The following ZSWIM5 variants were observed in gnomAD, a reference collection of about 807,000 sequenced individuals.
ZSWIM5 encodes zinc finger SWIM-type containing 5.
Under a neutral mutation model 119.6 loss-of-function variants are expected in ZSWIM5, and 55 were observed. The ratio of observed to expected loss-of-function variants is 0.46; its 90% CI spans 0.37 to 0.58. ZSWIM5 has a LOEUF of 0.58. Ranked by LOEUF, ZSWIM5 falls within the 20% of genes least tolerant of loss-of-function variation. The probability of loss-of-function intolerance (pLI) is 0.00; values close to 1 mark genes in which losing one functional copy is unlikely to be tolerated. For missense variants in ZSWIM5, 1,193 were observed against 1,512.8 expected (o/e 0.79, Z 3.51); for synonymous variants, 537 against 606.9 (o/e 0.88, Z 1.69).
In ZSWIM5 at chr1:45,174,916, T is replaced by C. The variant is rs1021212989; in HGVS notation, c.595+30840A>G. 5.9e-5 allele frequency among the ~76,000 whole-genome samples: 9 copies of C among 152,198 alleles called. No homozygotes were observed. The South Asian group carries it at 6.2e-4, about 11-fold the overall frequency. ...TTTTTGTGTATTTCCTTCAAAGATA[T>C]TCTCCTACAGAACTATAAAAATCAT... On this transcript the variant is annotated intron_variant, in intron 1 of 13. Coordinates refer to ENST00000359600, the MANE Select transcript of ZSWIM5 (RefSeq NM_020883.2).
chr1:45,197,990 C>T (rs1054376777), intron 1 of ZSWIM5, among the ~76,000 whole-genome samples: 6 of 152,182 alleles, frequency 3.9e-5, no homozygotes, highest in Non-Finnish European at 8.8e-5. Context: ...GGATCCATCA[C>T]GATGCTGAAC....
At chr1:45,083,892 G>T (rs1348738497) in intron 2 of ZSWIM5, among the ~76,000 whole-genome samples, 1 of 152,096 alleles carries the variant, frequency 6.6e-6, no homozygotes, top group Non-Finnish European at 1.5e-5. Context: ...GAAGTGGGAG[G>T]TGCTACACAC....
At chr1:45,068,432 T>C (rs1042878933) in intron 2 of ZSWIM5, among the ~76,000 whole-genome samples, 3 of 151,562 alleles carry the variant, frequency 2.0e-5, no homozygotes, top group Middle Eastern at 3.2e-3. Context: ...AAAATTTTAA[T>C]GTACGGTGAG....
At chr1:45,188,120 C>T (rs1646070078) in intron 1 of ZSWIM5, among the ~76,000 whole-genome samples, 1 of 152,112 alleles carries the variant, frequency 6.6e-6, no homozygotes, top group African/African-American at 2.4e-5. Context: ...AATGAAAACA[C>T]GTATCCACAC....
chr1:45,068,814 T>C (rs1263254991), intron 2 of ZSWIM5, among the ~76,000 whole-genome samples: 1 of 140,350 alleles, frequency 7.1e-6, no homozygotes, highest in Admixed American at 7.2e-5. Context: ...TTTTTTTTTT[T>C]TTTTTTCTGA....
intron 1 of ZSWIM5, among the ~76,000 whole-genome samples, chr1:45,162,309 T>C (rs1357726635): frequency 6.6e-6 from 1 of 152,182 alleles, no homozygotes; most frequent in East Asian, 1.9e-4. Flanking sequence ...CTGGCCAACA[T>C]AGTGAAATGC....
intron 8 of ZSWIM5, among the ~76,000 whole-genome samples, chr1:45,038,151 A>C (rs1644996640): frequency 6.6e-6 from 1 of 152,224 alleles, no homozygotes; most frequent in Non-Finnish European, 1.5e-5. Flanking sequence ...TGGCTACTCT[A>C]ATAGAGTCTT....
chr1:45,184,661 A>G (rs1196327682), intron 1 of ZSWIM5, among the ~76,000 whole-genome samples: 1 of 151,980 alleles, frequency 6.6e-6, no homozygotes, highest in African/African-American at 2.4e-5. Flanking sequence ...TGCTTCAAAG[A>G]GAATAAAATA....
chr1:45,170,110 T>C (rs991378975), intron 1 of ZSWIM5, among the ~76,000 whole-genome samples: 12 of 152,162 alleles, frequency 7.9e-5, no homozygotes, highest in Non-Finnish European at 1.5e-5. Context: ...GATACACTGC[T>C]GTACCTACAT....
chr1:45,088,206 C>A lies in ZSWIM5; in HGVS notation c.627G>T (p.Leu209=). 1 of 1,611,720 alleles carries A rather than the reference C, an allele frequency of 6.2e-7. No homozygotes were observed. The highest frequency in any genetic ancestry group is 8.5e-7 in the Non-Finnish European group (1 of 1,178,426). The change falls in exon 2 of 14, where the codon CTG becomes CTT. Residue 209 remains leucine, a synonymous_variant. Coordinates refer to ENST00000359600, the MANE Select transcript of ZSWIM5 (RefSeq NM_020883.2). The surrounding 1 kb of genome is among the most constrained non-coding windows in gnomAD (Gnocchi z 4.2). ...GFHLSGTVTE[L]ATASEPAVTY... is the part of the protein sequence containing the mutation. ...TCACTGCTGGTTCAGAGGCAGTGGC[C>A]AGCTCAGTTACTGTGCCACTCAGAT... is the stretch of plus-strand genomic sequence containing the variant.
At chr1:45,118,577 C>CA (rs1041377646) in intron 1 of ZSWIM5, among the ~76,000 whole-genome samples, 1 of 151,680 alleles carries the variant, frequency 6.6e-6, no homozygotes, top group Non-Finnish European at 1.5e-5. Context: ...CCCATCTCTA[C>CA]AAAAAATACA....
At chr1:45,070,238 A>G in intron 2 of ZSWIM5, 1 of 1,465,810 alleles carries the variant, frequency 6.8e-7, no homozygotes. Context: ...GCCCATGTTC[A>G]TCAGTCACAG....
chr1:45,126,758 T>A (rs977509949), intron 1 of ZSWIM5, among the ~76,000 whole-genome samples: 4 of 151,218 alleles, frequency 2.6e-5, no homozygotes, highest in Admixed American at 6.6e-5. Context: ...AAAAAAAAAA[T>A]GAATTTATAT....
At position 45,200,705 on chromosome 1, in the gene ZSWIM5, T is replaced by G. The variant is rs116548340; in HGVS notation, c.595+5051A>C. Reference sequence around the variant, plus strand: ...ACTTATTTGTCAAAAATATTCCACATGTATTAAGATTAAATAATCATGCAA... The same window carrying G: ...ACTTATTTGTCAAAAATATTCCACAGGTATTAAGATTAAATAATCATGCAA... On this transcript the variant is annotated intron_variant, in intron 1 of 13. Transcript: ENST00000359600. Among the ~76,000 whole-genome samples, 703 of 152,332 alleles carry G rather than the reference T, an allele frequency of 4.6e-3. 8 individuals are homozygous for G. Among genetic ancestry groups the G allele is most frequent in the African/African-American group, 0.016 (661 of 41,576 alleles).
rs550990467 is a variant in ZSWIM5, at chr1:45,024,212, C to T, written c.2450-3424G>A. Among the ~76,000 whole-genome samples the T allele has an allele frequency of 1.1e-4, 14 of 125,278 alleles. 1 individual carries two copies. In the South Asian group the frequency reaches 2.7e-3, roughly 24 times the overall value. The allele number at this position is 125,278 out of a possible 152,430, so 82.2% of individuals were successfully genotyped here. ...CTTTTCTTTTTTTTTTTTTTTGAGA[C>T]GGAGTCTCGGTCTTGTCGCCCAGGC... On this transcript the variant is annotated intron_variant, in intron 11 of 13. Transcript: ENST00000359600.
chr1:45,132,520 A>C (rs1011385662), intron 1 of ZSWIM5, among the ~76,000 whole-genome samples: 6 of 152,336 alleles, frequency 3.9e-5, no homozygotes, highest in African/African-American at 1.4e-4. Flanking sequence ...GTCACTTATA[A>C]ATTAAATAGC....
At chr1:45,201,530 T>A (rs929815707) in intron 1 of ZSWIM5, among the ~76,000 whole-genome samples, 7 of 152,294 alleles carry the variant, frequency 4.6e-5, no homozygotes, top group Admixed American at 3.9e-4. Context: ...TAATGTCTTG[T>A]TTTTTAATTG....
Position 45,017,057 on chromosome 1 carries a change from A to C in ZSWIM5, c.*1397T>G, listed in dbSNP as rs1644858336. On this transcript the variant is annotated 3_prime_UTR_variant, in exon 14 of 14. Coordinates refer to ENST00000359600, the MANE Select transcript of ZSWIM5 (RefSeq NM_020883.2). Reference sequence around the variant, plus strand: ...GGCGAGAAGAGAACTATGGAGCTAAAGCAGCCAATCTGATGGCAGAGGGAG... The same window carrying C: ...GGCGAGAAGAGAACTATGGAGCTAACGCAGCCAATCTGATGGCAGAGGGAG... 2.0e-5 allele frequency: 3 copies of C among 152,280 alleles called. No individual in the cohort carries two copies. Among genetic ancestry groups the C allele is most frequent in the Admixed American group, 1.3e-4 (2 of 15,280 alleles). 9.4% of individuals were successfully genotyped at this position (152,280 alleles called of 1,614,324 possible). A position where few individuals can be genotyped will look rare whatever the true frequency, so the allele number is the denominator to read the frequency against.
intron 1 of ZSWIM5, among the ~76,000 whole-genome samples, chr1:45,094,411 G>A (rs1362664390): frequency 6.6e-6 from 1 of 151,990 alleles, no homozygotes; most frequent in Non-Finnish European, 1.5e-5. Flanking sequence ...GTTGCCCAGG[G>A]TGATCTCAAA....
Sources: gnomAD v4.1 joint callset for allele counts (sites outside exome capture counted in the v4.1 genomes callset) on GRCh38, gnomAD v4.1.1 for gene constraint, Gnocchi (gnomAD v3.1) non-coding constraint, MANE v1.5 for transcripts, NCBI Gene and HGNC (gene_info 2026-07-23, HGNC 2026-07-21) for gene names.